The following TSN variants were observed in gnomAD, a reference collection of about 807,000 sequenced individuals.
TSN encodes the protein component 3 of promoter of RISC.
In TSN, 5 loss-of-function variants were observed where a neutral mutation model predicts 29.4. The ratio of observed to expected loss-of-function variants is 0.17; its 90% CI spans 0.09 to 0.36. The LOEUF is 0.36. Among genes scored for constraint, TSN ranks in the 10% least tolerant of loss-of-function variants. TSN has a pLI of 1.00. For synonymous variants in TSN, 106 were observed against 102.2 expected, an observed-to-expected ratio of 1.04 and a Z score of -0.23; for missense variants, 159 against 272.8, an observed-to-expected ratio of 0.58 and a Z score of 2.94.
intron 5 of TSN, among the ~76,000 whole-genome samples, chr2:121,763,294 C>T (rs1412231435): frequency 1.3e-5 from 2 of 152,218 alleles, no homozygotes; most frequent in East Asian, 1.9e-4. Flanking sequence ...AGGCGCCCGC[C>T]ACCACACCCG....
rs1338579405 is a variant in TSN, at chr2:121,767,802, A to G, written c.*2435A>G. On this transcript the variant is annotated 3_prime_UTR_variant, in exon 6 of 6. Coordinates refer to ENST00000389682, the MANE Select transcript of TSN (RefSeq NM_004622.3). ...TGCAGGTCGCTACTGGCATAGTTTC[A>G]TAATTGTGTACTCGGAAATTAAAGT... 6.6e-6 allele frequency: 1 copy of G among 152,186 alleles called. No homozygotes were observed. Among genetic ancestry groups the G allele is most frequent in the Non-Finnish European group, 1.5e-5 (1 of 68,044 alleles). 9.4% of individuals were successfully genotyped at this position (152,186 alleles called of 1,614,324 possible). A position where few individuals can be genotyped will look rare whatever the true frequency, so the allele number is the denominator to read the frequency against.
chr2:121,764,100 C>G (rs1331179299), intron 5 of TSN, among the ~76,000 whole-genome samples: 1 of 152,186 alleles, frequency 6.6e-6, no homozygotes, highest in Admixed American at 6.6e-5. Context: ...CACACAACTT[C>G]TGTTAACATT....
rs1326770090 is a variant in TSN at position 121,766,430 on chromosome 2, T to TC, written c.*1065dup. The TC allele has an allele frequency of 6.6e-6, 1 of 151,732 alleles. No homozygotes were observed. Among genetic ancestry groups the TC allele is most frequent in the African/African-American group, 2.4e-5 (1 of 40,994 alleles). 9.4% of individuals were successfully genotyped at this position (151,732 alleles called of 1,614,324 possible). A position where few individuals can be genotyped will look rare whatever the true frequency, so the allele number is the denominator to read the frequency against. On this transcript the variant is annotated 3_prime_UTR_variant, in exon 6 of 6. Transcript: ENST00000389682. ...ACCAGCCTGGGCAACAAAGTGAGAC[T>TC]CCATCTCTATATAAAAACAAAAACC...
At chr2:121,763,137 G>GTTTT (rs1009875344) in intron 5 of TSN, 53 bp downstream of exon 5, 1,852 of 506,612 alleles carry the variant, frequency 3.7e-3, no homozygotes, top group South Asian at 8.9e-3. Flanking sequence ...TTCACTGTCA[G>GTTTT]TTTTTTTTTT....
intron 3 of TSN, among the ~76,000 whole-genome samples, chr2:121,759,191 C>T (rs959091736): frequency 6.6e-6 from 1 of 152,206 alleles, no homozygotes; most frequent in African/African-American, 2.4e-5. Flanking sequence ...TTGAATTTCA[C>T]TGCCAAGTGA....
intron 3 of TSN, among the ~76,000 whole-genome samples, chr2:121,759,161 G>C (rs1228156400): frequency 6.6e-6 from 1 of 152,182 alleles, no homozygotes; most frequent in Non-Finnish European, 1.5e-5. Flanking sequence ...TATATATGGA[G>C]TCGAGTTTTA....
chr2:121,757,432 A>G lies in TSN; in HGVS notation c.160+99A>G, dbSNP rs768177756. The G allele has an allele frequency of 6.4e-6, 10 of 1,571,454 alleles. 1 individual carries two copies. The South Asian group carries it at 1.2e-4, about 18-fold the overall frequency. ...TAATGAAAAATGGCTATCATGCTTT[A>G]TGGTGAGTAAAAATTGAAGAAGTAG... On this transcript the variant is annotated intron_variant, in intron 2 of 5. Transcript: ENST00000389682.
Position 121,758,649 on chromosome 2 carries a change from T to C in TSN, c.161-61T>C. 4.8e-6 allele frequency: 6 copies of C among 1,249,658 alleles called. No homozygotes were observed. In the South Asian group the frequency reaches 1.1e-4, roughly 22 times the overall value. The allele number at this position is 1,249,658 out of a possible 1,614,324, so 77.4% of individuals were successfully genotyped here. ...TTTCCAGATAGATTACTTAGATTAT[T>C]AAGCAAGAACTGTATTTGAAATTTG... On this transcript the variant is annotated intron_variant, in intron 2 of 5. Transcript: ENST00000389682.
chr2:121,767,090 T>TG lies in TSN; in HGVS notation c.*1723_*1724insG, dbSNP rs1417860704. ...ATAATAGTTTTTTCTTTTAACCTCT[T>TG]TAAGTATTGATTCTGCTTGAGAATA... On this transcript the variant is annotated 3_prime_UTR_variant, in exon 6 of 6. Transcript: ENST00000389682. 6.6e-6 allele frequency: 1 copy of TG among 152,236 alleles called. No individual in the cohort carries two copies. Among genetic ancestry groups the TG allele is most frequent in the Non-Finnish European group, 1.5e-5 (1 of 68,048 alleles). The allele number at this position is 152,236 out of a possible 1,614,324, so 9.4% of individuals were successfully genotyped here. A position where few individuals can be genotyped will look rare whatever the true frequency, so the allele number is the denominator to read the frequency against.
At chr2:121,762,354 T>C (rs1328033148) in intron 4 of TSN, among the ~76,000 whole-genome samples, 1 of 152,128 alleles carries the variant, frequency 6.6e-6, no homozygotes, top group Admixed American at 6.6e-5. Context: ...GGTCTTGAAC[T>C]CCTGACCTCG....
At chr2:121,759,220 T>A (rs1022413179) in intron 3 of TSN, among the ~76,000 whole-genome samples, 1 of 152,258 alleles carries the variant, frequency 6.6e-6, no homozygotes, top group African/African-American at 2.4e-5. Context: ...GCTAATATTT[T>A]ATGCCATGTT....
At chr2:121,756,022 C>A (rs1354681832) in intron 1 of TSN, 177 bp downstream of exon 1, 18 of 1,317,150 alleles carry the variant, frequency 1.4e-5, no homozygotes, top group Non-Finnish European at 1.8e-5. Flanking sequence ...GCTGCTCTGT[C>A]CTGATTCCCC....
intron 3 of TSN, among the ~76,000 whole-genome samples, chr2:121,759,939 G>A (rs191697563): frequency 1.8e-4 from 27 of 152,276 alleles, no homozygotes; most frequent in African/African-American, 6.3e-4. Context: ...CAGTGAAAGC[G>A]TCCCACAAAG....
At chr2:121,760,871 C>CTTT (rs187719044) in intron 3 of TSN, among the ~76,000 whole-genome samples, 23 of 132,840 alleles carry the variant, frequency 1.7e-4, no homozygotes, top group African/African-American at 6.3e-4. Context: ...TTTTTTCTGT[C>CTTT]TTTTTTTTTT....
chr2:121,757,806 G>A (rs1204710060), intron 2 of TSN, among the ~76,000 whole-genome samples: 4 of 151,700 alleles, frequency 2.6e-5, no homozygotes, highest in African/African-American at 7.3e-5. Context: ...ACAGGTGCCC[G>A]CCATCACGCC....
chr2:121,767,695 T>C lies in TSN; in HGVS notation c.*2328T>C, dbSNP rs936912653. On this transcript the variant is annotated 3_prime_UTR_variant, in exon 6 of 6. Coordinates refer to ENST00000389682, the MANE Select transcript of TSN (RefSeq NM_004622.3). ...TCTTAAACTTGAATAATAGTATGAG[T>C]AATGCTTAAGGGAGTTTAATAGAGA... 2.0e-5 allele frequency: 3 copies of C among 152,068 alleles called. No individual in the cohort carries two copies. The highest frequency in any genetic ancestry group is 2.4e-5 in the African/African-American group (1 of 41,408). 9.4% of individuals were successfully genotyped at this position (152,068 alleles called of 1,614,324 possible).
intron 4 of TSN, among the ~76,000 whole-genome samples, chr2:121,762,740 GCTTT>G (rs1377651929): frequency 3.3e-5 from 5 of 152,048 alleles, no homozygotes; most frequent in Non-Finnish European, 5.9e-5. Context: ...TTTATCATGT[GCTTT>G]CTAACAAGAA....
At chr2:121,759,147 A>G (rs1235016666) in intron 3 of TSN, among the ~76,000 whole-genome samples, 1 of 152,256 alleles carries the variant, frequency 6.6e-6, no homozygotes, top group African/African-American at 2.4e-5. Flanking sequence ...ATTAGGTGGC[A>G]GTATATATAT....
rs2074907571 is a variant in TSN, at chr2:121,766,709, T to C, written c.*1342T>C. 6.6e-6 allele frequency: 1 copy of C among 152,228 alleles called. No homozygotes were observed. The highest frequency in any genetic ancestry group is 6.5e-5 in the Admixed American group (1 of 15,284). 9.4% of individuals were successfully genotyped at this position (152,228 alleles called of 1,614,324 possible). On this transcript the variant is annotated 3_prime_UTR_variant, in exon 6 of 6. Transcript: ENST00000389682. ...TAATCCGTAGTTATTTTGCACCCAC[T>C]GAAAGGAAAGTGCTTTCCAGAATAA...
Sources: allele counts gnomAD v4.1 joint callset (sites outside exome capture counted in the v4.1 genomes callset), GRCh38; gene constraint gnomAD v4.1.1; transcripts MANE v1.5; gene names NCBI Gene and HGNC (gene_info 2026-07-23, HGNC 2026-07-21).